Variants in ST6GALNAC3 observed in about 807,000 individuals in gnomAD.
ST6GALNAC3 encodes the protein ST6 N-acetylgalactosaminide alpha-2,6-sialyltransferase 3, also known as alpha-N-acetylgalactosaminide alpha-2,6-sialyltransferase 3.
ST6GALNAC3 carries 25 observed loss-of-function variants against 32.7 expected under a neutral mutation model. The observed-to-expected ratio is 0.76, with a 90% CI of 0.56 to 1.07. The LOEUF is 1.07. ST6GALNAC3 is among the 50% of genes least tolerant of loss of function. The probability of loss-of-function intolerance (pLI) is 0.00; values close to 1 mark genes in which losing one functional copy is unlikely to be tolerated. For missense variants in ST6GALNAC3, 355 were observed against 382.4 expected (o/e 0.93, Z 0.60); for synonymous variants, 129 against 133.1 (o/e 0.97, Z 0.21).
At chr1:76,192,314 A>G (rs1199752420) in intron 1 of ST6GALNAC3, among the ~76,000 whole-genome samples, 1 of 152,122 alleles carries the variant, frequency 6.6e-6, no homozygotes, top group Non-Finnish European at 1.5e-5. Context: ...AAACATGACA[A>G]ATTTTGCCTG....
At chr1:76,209,561 C>T (rs763494030) in intron 1 of ST6GALNAC3, among the ~76,000 whole-genome samples, 1 of 152,114 alleles carries the variant, frequency 6.6e-6, no homozygotes, top group Non-Finnish European at 1.5e-5. Flanking sequence ...GGTGTCTTTA[C>T]AGGAGAAGGT....
At chr1:76,494,057 T>C (rs1367041815) in intron 3 of ST6GALNAC3, among the ~76,000 whole-genome samples, 5 of 152,240 alleles carry the variant, frequency 3.3e-5, no homozygotes, top group African/African-American at 9.6e-5. Flanking sequence ...GTAGAATATA[T>C]TGTCAAAATG....
chr1:76,525,627 T>C lies in ST6GALNAC3; in HGVS notation c.624-101825T>C, dbSNP rs567711234. Among the ~76,000 whole-genome samples the C allele has an allele frequency of 1.7e-4, 26 of 151,516 alleles. No individual in the cohort carries two copies. The South Asian group carries it at 5.5e-3, about 32-fold the overall frequency. On this transcript the variant is annotated intron_variant, in intron 3 of 4. Coordinates refer to ENST00000328299, the MANE Select transcript of ST6GALNAC3 (RefSeq NM_152996.4). Reference sequence around the variant, plus strand: ...ACTGGTACAAGAGGCACCACCACTTTCTACAAACTTCCCAACCCTGTTTAA... The same window carrying C: ...ACTGGTACAAGAGGCACCACCACTTCCTACAAACTTCCCAACCCTGTTTAA...
intron 2 of ST6GALNAC3, among the ~76,000 whole-genome samples, chr1:76,394,886 G>C (rs1038414028): frequency 2.0e-5 from 3 of 152,192 alleles, no homozygotes; most frequent in African/African-American, 2.4e-5. Context: ...AGATTCCAAG[G>C]CTCAGAATTT....
chr1:76,320,455 T>G (rs1386993907), intron 2 of ST6GALNAC3, among the ~76,000 whole-genome samples: 3 of 152,116 alleles, frequency 2.0e-5, no homozygotes, highest in Non-Finnish European at 2.9e-5. Context: ...CTGCATACTA[T>G]GTAGGGGGTC....
At chr1:76,576,474 G>A (rs915202840) in intron 3 of ST6GALNAC3, among the ~76,000 whole-genome samples, 1 of 151,980 alleles carries the variant, frequency 6.6e-6, no homozygotes, top group Non-Finnish European at 1.5e-5. Context: ...TTCCCCTATT[G>A]CAGTTAGACC....
intron 2 of ST6GALNAC3, among the ~76,000 whole-genome samples, chr1:76,335,209 G>T (rs528736265): frequency 2.6e-5 from 4 of 152,084 alleles, no homozygotes; most frequent in African/African-American, 9.7e-5. Flanking sequence ...AATAGGGCAG[G>T]CTTGCTGAGC....
At chr1:76,475,257 G>C (rs1659278377) in intron 3 of ST6GALNAC3, among the ~76,000 whole-genome samples, 1 of 152,136 alleles carries the variant, frequency 6.6e-6, no homozygotes, top group Non-Finnish European at 1.5e-5. Context: ...TACGCTCTGT[G>C]GTCAGCAAGA....
chr1:76,410,341 A>G (rs1654143857), intron 2 of ST6GALNAC3, among the ~76,000 whole-genome samples: 1 of 152,010 alleles, frequency 6.6e-6, no homozygotes, highest in Non-Finnish European at 1.5e-5. Flanking sequence ...AAATATGCTC[A>G]TGGCCAACTC....
intron 2 of ST6GALNAC3, among the ~76,000 whole-genome samples, chr1:76,405,176 T>C (rs1384447476): frequency 6.6e-6 from 1 of 152,056 alleles, no homozygotes; most frequent in Admixed American, 6.6e-5. Context: ...ATCCTGACTG[T>C]TTCATAATTT....
intron 3 of ST6GALNAC3, among the ~76,000 whole-genome samples, chr1:76,517,291 C>G (rs899077971): frequency 2.0e-5 from 3 of 151,648 alleles, no homozygotes; most frequent in African/African-American, 7.3e-5. Flanking sequence ...TAATATAGAT[C>G]TTACACATTT....
At chr1:76,295,379 T>C (rs1660340711) in intron 1 of ST6GALNAC3, among the ~76,000 whole-genome samples, 1 of 152,098 alleles carries the variant, frequency 6.6e-6, no homozygotes, top group African/African-American at 2.4e-5. Flanking sequence ...TACTATTGCA[T>C]TTGGTAAAAG....
At chr1:76,366,115 T>C (rs535000461) in intron 2 of ST6GALNAC3, among the ~76,000 whole-genome samples, 1 of 152,342 alleles carries the variant, frequency 6.6e-6, no homozygotes, top group East Asian at 1.9e-4. Context: ...ACTTGCTTCA[T>C]AATCCATTTC....
intron 3 of ST6GALNAC3, among the ~76,000 whole-genome samples, chr1:76,425,340 T>A (rs1383977647): frequency 2.6e-5 from 4 of 151,968 alleles, no homozygotes; most frequent in Non-Finnish European, 5.9e-5. Flanking sequence ...GTGTTTCTCA[T>A]AAAAGAGAAA....
chr1:76,345,815 C>T (rs867345443), intron 2 of ST6GALNAC3, among the ~76,000 whole-genome samples: 1 of 152,186 alleles, frequency 6.6e-6, no homozygotes, highest in Middle Eastern at 3.4e-3. Context: ...TCTCTTGCTC[C>T]CTCCATTCCA....
intron 3 of ST6GALNAC3, among the ~76,000 whole-genome samples, chr1:76,511,107 A>T (rs1444561721): frequency 6.6e-6 from 1 of 151,958 alleles, no homozygotes. Context: ...GTAGTTCAGG[A>T]CATCAGGGTC....
In ST6GALNAC3 at chr1:76,409,980, G is replaced by T. The variant is rs373600755; in HGVS notation, c.214-2028G>T. 1.2e-4 allele frequency among the ~76,000 whole-genome samples: 18 copies of T among 152,130 alleles called. 1 individual carries two copies. Among genetic ancestry groups the T allele is most frequent in the African/African-American group, 4.3e-4 (18 of 41,522 alleles). On this transcript the variant is annotated intron_variant, in intron 2 of 4. Coordinates refer to ENST00000328299, the MANE Select transcript of ST6GALNAC3 (RefSeq NM_152996.4). ...TAAGCGGCTTCTCTCCATCTCCTTT[G>T]CTACTCAACATGGTCCACATCACTA... is the stretch of plus-strand genomic sequence containing the variant.
intron 1 of ST6GALNAC3, among the ~76,000 whole-genome samples, chr1:76,272,695 A>T (rs1327722805): frequency 6.6e-6 from 1 of 152,168 alleles, no homozygotes; most frequent in South Asian, 2.1e-4. Context: ...ATCAGGTGTC[A>T]TCTTTTAAAA....
At chr1:76,217,279 T>C (rs1655519434) in intron 1 of ST6GALNAC3, among the ~76,000 whole-genome samples, 1 of 152,226 alleles carries the variant, frequency 6.6e-6, no homozygotes, top group South Asian at 2.1e-4. Context: ...ATCCCTTTCA[T>C]TTTTAGAACT....
Sources: gnomAD v4.1 joint callset for allele counts (sites outside exome capture counted in the v4.1 genomes callset) on GRCh38, gnomAD v4.1.1 for gene constraint, MANE v1.5 for transcripts, NCBI Gene and HGNC (gene_info 2026-07-23, HGNC 2026-07-21) for gene names.